PPARGC1A: variants seen among roughly 807,000 people sequenced by gnomAD.
PPARGC1A encodes PPARG coactivator 1 alpha, also known as peroxisome proliferator-activated receptor gamma coactivator 1-alpha.
Under a neutral mutation model 88.7 loss-of-function variants are expected in PPARGC1A, and 25 were observed. That is an observed-to-expected ratio of 0.28 (90% CI 0.21 to 0.39). The LOEUF (loss-of-function observed/expected upper bound fraction) is 0.39. PPARGC1A is among the 10% of genes least tolerant of loss of function. The pLI is 1.00. For missense variants in PPARGC1A, 880 were observed against 968.7 expected (o/e 0.91, Z 1.22); for synonymous variants, 363 against 355.6 (o/e 1.02, Z -0.24).
At chr4:24,383,160 C>T in the PPARGC1A span, among the ~76,000 whole-genome samples, 2 of 152,264 alleles carry the variant, frequency 1.3e-5, no homozygotes, top group South Asian at 4.2e-4. Context: ...AACTAGCAAA[C>T]AGAAAGGAAT....
chr4:24,301,573 TTAAA>T, the PPARGC1A span, among the ~76,000 whole-genome samples: 3 of 149,574 alleles, frequency 2.0e-5, no homozygotes, highest in Non-Finnish European at 1.5e-5. Flanking sequence ...GGGTCAGCAT[TTAAA>T]TAAATGTTTA....
At chr4:23,829,337 A>C in intron 4 of PPARGC1A, 126 bp downstream of exon 4, 1 of 994,798 alleles carries the variant, frequency 1.0e-6, no homozygotes, top group Non-Finnish European at 1.5e-6. Context: ...TTCATAATCT[A>C]TTTCATCATT....
the PPARGC1A span, among the ~76,000 whole-genome samples, chr4:23,946,478 G>A: frequency 2.0e-5 from 3 of 151,980 alleles, no homozygotes; most frequent in East Asian, 1.9e-4. Context: ...GAATGGCCTC[G>A]CGCTGCTACA....
chr4:23,929,649 G>A, the PPARGC1A span, among the ~76,000 whole-genome samples: 4 of 152,140 alleles, frequency 2.6e-5, no homozygotes, highest in Admixed American at 2.6e-4. Context: ...ATGGAGAGTG[G>A]GGAAGAAAGA....
At chr4:24,315,381 C>T in the PPARGC1A span, among the ~76,000 whole-genome samples, 1 of 152,114 alleles carries the variant, frequency 6.6e-6, no homozygotes, top group South Asian at 2.1e-4. Flanking sequence ...AAGGAAATGG[C>T]CTTTCTTGAT....
At chr4:24,212,755 T>G in the PPARGC1A span, among the ~76,000 whole-genome samples, 598 of 152,306 alleles carry the variant, frequency 3.9e-3, 3 homozygotes, top group South Asian at 0.011. Context: ...GCATCTGCTT[T>G]AAGACAGCTT....
At chr4:24,225,374 C>G in the PPARGC1A span, among the ~76,000 whole-genome samples, 3 of 152,066 alleles carry the variant, frequency 2.0e-5, no homozygotes, top group Non-Finnish European at 4.4e-5. Flanking sequence ...TTGAGACCAT[C>G]CTGGCTAACA....
intron 1 of PPARGC1A, among the ~76,000 whole-genome samples, chr4:23,886,482 T>C (rs1245213002): frequency 3.3e-5 from 5 of 152,066 alleles, no homozygotes; most frequent in Admixed American, 6.6e-5. Flanking sequence ...TCTAAGACCA[T>C]TGGACCCCAG....
chr4:24,412,258 C>A, the PPARGC1A span, among the ~76,000 whole-genome samples: 1 of 152,160 alleles, frequency 6.6e-6, no homozygotes, highest in Non-Finnish European at 1.5e-5. Flanking sequence ...GGTTTTCTAA[C>A]TGCAATCAGT....
the PPARGC1A span, among the ~76,000 whole-genome samples, chr4:24,424,258 C>CTTTTTTTTTTTTTTT: frequency 1.6e-4 from 7 of 44,346 alleles, 2 homozygotes; most frequent in Admixed American, 8.7e-4. Flanking sequence ...TATACACACA[C>CTTTTTTTTTTTTTTT]TTTTTTTTTT....
the PPARGC1A span, among the ~76,000 whole-genome samples, chr4:23,976,880 A>AAGATACCCTGGATTATATTAAG: frequency 7.2e-5 from 11 of 152,164 alleles, no homozygotes; most frequent in Non-Finnish European, 5.9e-5. Flanking sequence ...ATCTTATATT[A>AAGATACCCTGGATTATATTAAG]GCAGCCCTGG....
chr4:23,971,688 A>G, the PPARGC1A span, among the ~76,000 whole-genome samples: 3 of 152,326 alleles, frequency 2.0e-5, no homozygotes, highest in East Asian at 5.8e-4. Flanking sequence ...GAGCCCTCCC[A>G]GATTAAGGGT....
the PPARGC1A span, among the ~76,000 whole-genome samples, chr4:23,944,651 G>C: frequency 6.6e-6 from 1 of 152,120 alleles, no homozygotes; most frequent in Non-Finnish European, 1.5e-5. Context: ...GCACCTGGTG[G>C]GAGGTAACTG....
the PPARGC1A span, among the ~76,000 whole-genome samples, chr4:24,244,964 T>G: frequency 6.6e-6 from 1 of 152,138 alleles, no homozygotes; most frequent in Non-Finnish European, 1.5e-5. Context: ...CTGGCCAATG[T>G]TCTTTTTAAG....
the PPARGC1A span, among the ~76,000 whole-genome samples, chr4:23,969,415 G>A: frequency 2.0e-5 from 3 of 152,304 alleles, no homozygotes; most frequent in Non-Finnish European, 2.9e-5. Context: ...AAACTGGTAA[G>A]TGATGCAGCT....
chr4:23,800,623 A>T (rs1718492132), intron 12 of PPARGC1A, among the ~76,000 whole-genome samples: 2 of 150,988 alleles, frequency 1.3e-5, no homozygotes, highest in South Asian at 4.1e-4. Flanking sequence ...TATATATATA[A>T]ATTCAACTGT....
the PPARGC1A span, among the ~76,000 whole-genome samples, chr4:24,300,324 ATTTTTTTTTTTTTTTTTTTTTTTTTTTT>A: frequency 8.9e-5 from 4 of 45,028 alleles, 1 homozygote; most frequent in Admixed American, 1.1e-3. Context: ...ATACAATAGC[ATTTTTTTTTTTTTTTTTTTTTTTTTTTT>A]TTTTTTTTTT....
the PPARGC1A span, among the ~76,000 whole-genome samples, chr4:24,331,585 A>G: frequency 2.0e-5 from 3 of 152,188 alleles, no homozygotes; most frequent in Non-Finnish European, 1.5e-5. Context: ...TGTTAAATAA[A>G]TGAATGCATA....
At chr4:24,329,787 C>T in the PPARGC1A span, among the ~76,000 whole-genome samples, 4 of 152,314 alleles carry the variant, frequency 2.6e-5, no homozygotes, top group Non-Finnish European at 5.9e-5. Context: ...TTTCGTAGGT[C>T]AAATGCACAA....
Sources: allele counts gnomAD v4.1 joint callset (sites outside exome capture counted in the v4.1 genomes callset), GRCh38; gene constraint gnomAD v4.1.1; transcripts MANE v1.5; gene names NCBI Gene and HGNC (gene_info 2026-07-23, HGNC 2026-07-21).